The following MYO18B variants were observed in gnomAD, a reference collection of about 807,000 sequenced individuals.
MYO18B encodes the protein unconventional myosin-XVIIIb.
MYO18B carries 204 observed loss-of-function variants against 273.0 expected under a neutral mutation model. The ratio of observed to expected loss-of-function variants is 0.75; its 90% CI spans 0.67 to 0.84. The LOEUF (loss-of-function observed/expected upper bound fraction) is 0.84, where lower values mean the gene tolerates loss of function less well. Ranked by LOEUF, MYO18B falls within the 40% of genes least tolerant of loss-of-function variation. MYO18B has a pLI of 0.00. For missense variants in MYO18B, 3,212 were observed against 3,287.6 expected, an observed-to-expected ratio of 0.98 and a Z score of 0.56; for synonymous variants, 1,330 against 1,305.7, an observed-to-expected ratio of 1.02 and a Z score of -0.40.
At chr22:25,894,728 G>A (rs1297668906) in intron 27 of MYO18B, 2 of 155,000 alleles carry the variant, frequency 1.3e-5, no homozygotes, top group African/African-American at 4.8e-5. Flanking sequence ...GGTTCATTAA[G>A]CAATCCATGA....
chr22:25,932,489 A>G (rs889805991), intron 34 of MYO18B, among the ~76,000 whole-genome samples: 49 of 148,570 alleles, frequency 3.3e-4, no homozygotes, highest in African/African-American at 1.2e-3. Context: ...GCTCACCACA[A>G]TCTCTGCCTC....
intron 11 of MYO18B, among the ~76,000 whole-genome samples, chr22:25,792,230 C>A (rs1365964673): frequency 6.6e-6 from 1 of 152,168 alleles, no homozygotes; most frequent in Non-Finnish European, 1.5e-5. Context: ...GTCTCCATTG[C>A]CTCCTCTGTT....
Position 25,843,846 on chromosome 22 carries a change from C to T in MYO18B, c.3320C>T (p.Pro1107Leu). ...ACGGGCTGGCTCCACAGAGCCAAGC[C>T]CAACCTCTCGGCCCTGGATGCACCC... Reference protein sequence around the residue: ...DLTGWLHRAKPNLSALDAPQV... With the variant: ...DLTGWLHRAKLNLSALDAPQV... Residue 1107 changes from proline (P) to leucine (L), a missense_variant, in exon 18 of 44, where the codon CCC becomes CTC. Physicochemically the swap from Pro to Leu is moderately conservative, Grantham distance 98. Coordinates refer to ENST00000335473, the MANE Select transcript of MYO18B (RefSeq NM_032608.7). The T allele has an allele frequency of 6.2e-7, 1 of 1,613,534 alleles. No individual in the cohort carries two copies. The highest frequency in any genetic ancestry group is 8.5e-7 in the Non-Finnish European group (1 of 1,179,530).
chr22:26,004,835 C>T lies in MYO18B; in HGVS notation c.6450C>T (p.Ser2150=). Residue 2150 remains serine (S), a synonymous_variant, in exon 42 of 44, where the codon AGC becomes AGT. Transcript: ENST00000335473. ...MRTPSRQSAT[S]SRILSPRINE... is the part of the protein sequence containing the mutation. ...CTCCTTCTCGACAGTCAGCCACCAG[C>T]AGCCGCATCCTCAGCCCCAGGTAAG... The T allele has an allele frequency of 6.2e-7, 1 of 1,613,788 alleles. No homozygotes were observed. The highest frequency in any genetic ancestry group is 8.5e-7 in the Non-Finnish European group (1 of 1,179,752).
chr22:25,960,193 G>GCTCC, intron 39 of MYO18B, among the ~76,000 whole-genome samples: 1 of 152,214 alleles, frequency 6.6e-6, no homozygotes, highest in East Asian at 1.9e-4. Context: ...TATTCCTGGA[G>GCTCC]ACTCCAGGAG....
At position 25,845,731 on chromosome 22, in the gene MYO18B, C is replaced by CT. The variant is rs1237837158; in HGVS notation, c.3369-368dup. ...ACACATGGCACGTGCCTACTGTGTGCTAGGCCTGGTCTAGGAATAGCAGAG... is the reference window on the plus strand; with the variant it reads ...ACACATGGCACGTGCCTACTGTGTGCTTAGGCCTGGTCTAGGAATAGCAGAG... On this transcript the variant is annotated intron_variant, in intron 18 of 43. Coordinates refer to ENST00000335473, the MANE Select transcript of MYO18B (RefSeq NM_032608.7). 4.6e-5 allele frequency among the ~76,000 whole-genome samples: 7 copies of CT among 152,330 alleles called. No homozygotes were observed. In the East Asian group the frequency reaches 1.3e-3, roughly 29 times the overall value.
chr22:25,914,733 G>A (rs1181560216), intron 33 of MYO18B, among the ~76,000 whole-genome samples: 1 of 104,330 alleles, frequency 9.6e-6, no homozygotes, highest in Admixed American at 1.5e-4. Context: ...GTCTCGCTCT[G>A]TCGCCCAGGA....
chr22:25,766,985 T>A (rs942540826), intron 3 of MYO18B, among the ~76,000 whole-genome samples: 1 of 152,200 alleles, frequency 6.6e-6, no homozygotes, highest in Non-Finnish European at 1.5e-5. Flanking sequence ...GGAATCAACA[T>A]GCCCCTGGGA....
chr22:25,926,746 T>G (rs192009567), intron 34 of MYO18B, among the ~76,000 whole-genome samples: 34 of 152,344 alleles, frequency 2.2e-4, no homozygotes, highest in Admixed American at 1.8e-3. Context: ...TCAAGGTCTC[T>G]GCCCTTAAGG....
intron 34 of MYO18B, among the ~76,000 whole-genome samples, chr22:25,927,004 C>G (rs555736266): frequency 6.6e-6 from 1 of 152,144 alleles, no homozygotes; most frequent in East Asian, 1.9e-4. Flanking sequence ...CCAGTCAGTA[C>G]CCTTGTGATT....
intron 39 of MYO18B, among the ~76,000 whole-genome samples, chr22:25,988,910 AC>A (rs2093230675): frequency 6.6e-6 from 1 of 152,030 alleles, no homozygotes; most frequent in Admixed American, 6.5e-5. Context: ...TGGGATTTGA[AC>A]CCCGGCAGCT....
At chr22:25,973,376 A>T (rs559717275) in intron 39 of MYO18B, among the ~76,000 whole-genome samples, 1 of 152,244 alleles carries the variant, frequency 6.6e-6, no homozygotes, top group African/African-American at 2.4e-5. Context: ...CCTTCAGACC[A>T]TAGAAATATA....
chr22:25,847,766 C>G, intron 20 of MYO18B, 114 bp downstream of exon 20: 2 of 731,860 alleles, frequency 2.7e-6, no homozygotes, highest in South Asian at 3.6e-5. Context: ...TCACACCCAG[C>G]ATCCTGGTTA....
At chr22:25,929,940 G>A (rs1396753379) in intron 34 of MYO18B, among the ~76,000 whole-genome samples, 1 of 152,058 alleles carries the variant, frequency 6.6e-6, no homozygotes, top group Admixed American at 6.6e-5. Flanking sequence ...GTTTCACATT[G>A]CCTTCAGCCT....
At position 26,027,155 on chromosome 22, in the gene MYO18B, C is replaced by G. The variant is rs375762858; in HGVS notation, c.7181C>G (p.Ala2394Gly). ...RRCLESSVDD[A>G]GCPDLGKEPL... is the part of the protein sequence containing the mutation. The stretch of plus-strand genomic sequence containing the variant: ...TGTCTGGAGTCCTCTGTGGACGATG[C>G]GGGCTGTCCAGACCTTGGAAAGGAG... The change falls in exon 43 of 44, where the codon GCG (alanine) becomes GGG (glycine). Residue 2394 changes from alanine (A) to glycine (G), a missense_variant. Coordinates refer to ENST00000335473, the MANE Select transcript of MYO18B (RefSeq NM_032608.7). The surrounding 1 kb of genome is among the most constrained non-coding windows in gnomAD (Gnocchi z 4.1). 1 of 1,613,994 alleles carries G rather than the reference C, an allele frequency of 6.2e-7. No homozygotes were observed. Among genetic ancestry groups the G allele is most frequent in the African/African-American group, 1.3e-5 (1 of 75,038 alleles).
intron 11 of MYO18B, among the ~76,000 whole-genome samples, chr22:25,792,105 G>A (rs1376804604): frequency 6.6e-6 from 1 of 152,162 alleles, no homozygotes; most frequent in Non-Finnish European, 1.5e-5. Context: ...TTTCACCTGT[G>A]GGATGGGTAA....
chr22:25,820,092 C>T (rs1297984358), intron 12 of MYO18B, among the ~76,000 whole-genome samples: 2 of 984 alleles, frequency 2.0e-3, no homozygotes, highest in African/African-American at 7.6e-3. Context: ...TCACTGTCAT[C>T]ACCATCATCA....
At chr22:26,020,603 T>C (rs1458709596) in intron 42 of MYO18B, among the ~76,000 whole-genome samples, 1 of 152,196 alleles carries the variant, frequency 6.6e-6, no homozygotes, top group Non-Finnish European at 1.5e-5. Flanking sequence ...GATAAATAAG[T>C]CATGTATGGA....
Position 25,907,996 on chromosome 22 carries a change from G to T in MYO18B, c.5149-326G>T, listed in dbSNP as rs567822988. On this transcript the variant is annotated intron_variant, in intron 31 of 43. Coordinates refer to ENST00000335473, the MANE Select transcript of MYO18B (RefSeq NM_032608.7). The stretch of plus-strand genomic sequence containing the variant: ...TGTGGTGAGCCGAGATTGCGCCGTG[G>T]CACTCCAGCCTAGGCAACAAGAGGG... 4.1e-4 allele frequency among the ~76,000 whole-genome samples: 60 copies of T among 146,562 alleles called. No homozygotes were observed. In the South Asian group the frequency reaches 8.3e-3, roughly 20 times the overall value.
Sources: allele counts gnomAD v4.1 joint callset (sites outside exome capture counted in the v4.1 genomes callset), GRCh38; gene constraint gnomAD v4.1.1; non-coding constraint Gnocchi (gnomAD v3.1); transcripts MANE v1.5; gene names NCBI Gene and HGNC (gene_info 2026-07-23, HGNC 2026-07-21).